ASNS: variants seen among roughly 807,000 people sequenced by gnomAD.
ASNS encodes the protein asparagine synthetase (glutamine-hydrolyzing).
In ASNS, 37 loss-of-function variants were observed where a neutral mutation model predicts 62.6. That is an observed-to-expected ratio of 0.59 (90% CI 0.45 to 0.78). ASNS has a LOEUF of 0.78. Among genes scored for constraint, ASNS ranks in the 30% least tolerant of loss-of-function variants. The pLI is 0.00. For missense variants in ASNS, 520 were observed against 682.4 expected, an observed-to-expected ratio of 0.76 and a Z score of 2.65; for synonymous variants, 207 against 237.9, an observed-to-expected ratio of 0.87 and a Z score of 1.19.
intron 7 of ASNS, among the ~76,000 whole-genome samples, chr7:97,857,247 T>C (rs1298780257): frequency 6.6e-6 from 1 of 152,166 alleles, no homozygotes; most frequent in Non-Finnish European, 1.5e-5. Context: ...CTTGGCTATT[T>C]TGGATTCTCT....
chr7:97,891,761 C>T, the ASNS span, among the ~76,000 whole-genome samples: 1 of 152,182 alleles, frequency 6.6e-6, no homozygotes, highest in African/African-American at 2.4e-5. Flanking sequence ...GAGGTGGGCT[C>T]CCATGGCCTT....
At chr7:97,896,735 C>CATATATATATATATATATATAT in the ASNS span, among the ~76,000 whole-genome samples, 6 of 24,958 alleles carry the variant, frequency 2.4e-4, no homozygotes, top group South Asian at 1.8e-3. Context: ...CACACACACA[C>CATATATATATATATATATATAT]ACACACATAT....
At chr7:97,926,098 G>A in the ASNS span, among the ~76,000 whole-genome samples, 190 of 134,470 alleles carry the variant, frequency 1.4e-3, 5 homozygotes, top group South Asian at 0.015. Context: ...AGCAGGACTT[G>A]GCACTCAGGG....
chr7:97,853,927 A>G (rs2115600099), intron 10 of ASNS, among the ~76,000 whole-genome samples: 1 of 152,270 alleles, frequency 6.6e-6, no homozygotes, highest in Admixed American at 6.5e-5. Context: ...TAATGACCAG[A>G]TTCAGTTCAT....
the ASNS span, chr7:97,927,944 C>A: frequency 2.5e-5 from 16 of 643,122 alleles, no homozygotes; most frequent in Non-Finnish European, 4.3e-5. Context: ...CCCGTGCTGC[C>A]TAAATGTGTT....
At chr7:97,867,428 TC>T in intron 3 of ASNS, among the ~76,000 whole-genome samples, 1 of 152,176 alleles carries the variant, frequency 6.6e-6, no homozygotes, top group Non-Finnish European at 1.5e-5. Flanking sequence ...GGAACAAACT[TC>T]TCTACTTTTA....
intron 4 of ASNS, among the ~76,000 whole-genome samples, chr7:97,861,259 G>A (rs1192804986): frequency 3.3e-5 from 5 of 152,002 alleles, no homozygotes; most frequent in Non-Finnish European, 7.4e-5. Context: ...TGATCCACCC[G>A]CCTCGGCCTC....
chr7:97,923,645 C>T, the ASNS span, among the ~76,000 whole-genome samples: 2 of 152,212 alleles, frequency 1.3e-5, no homozygotes, highest in African/African-American at 4.8e-5. Context: ...CCAGCCCAAA[C>T]CTGCCTTCCT....
At chr7:97,903,055 C>T in the ASNS span, among the ~76,000 whole-genome samples, 1 of 152,068 alleles carries the variant, frequency 6.6e-6, no homozygotes, top group Non-Finnish European at 1.5e-5. Context: ...CACAGGGAAC[C>T]CCCACACATA....
chr7:97,924,050 G>A, the ASNS span, among the ~76,000 whole-genome samples: 4 of 151,970 alleles, frequency 2.6e-5, no homozygotes, highest in East Asian at 1.9e-4. Context: ...CTTTCCAACT[G>A]AGAAACACAT....
intron 1 of ASNS, chr7:97,871,594 T>C (rs532072757): frequency 1.3e-5 from 2 of 152,324 alleles, no homozygotes; most frequent in East Asian, 3.9e-4. Flanking sequence ...AGATGAAAAC[T>C]GTCCTTTTTA....
At chr7:97,919,135 G>GCTCACTGCAACCTCCTC in the ASNS span, among the ~76,000 whole-genome samples, 1 of 151,870 alleles carries the variant, frequency 6.6e-6, no homozygotes, top group Non-Finnish European at 1.5e-5. Context: ...CACAATCTCG[G>GCTCACTGCAACCTCCTC]CTCACTGCAA....
the ASNS span, among the ~76,000 whole-genome samples, chr7:97,917,827 T>G: frequency 1.3e-5 from 2 of 152,212 alleles, no homozygotes; most frequent in Non-Finnish European, 2.9e-5. Flanking sequence ...GCAACAGCCC[T>G]GCCCTACACG....
At chr7:97,865,789 T>A (rs1791933927) in intron 3 of ASNS, among the ~76,000 whole-genome samples, 5 of 152,180 alleles carry the variant, frequency 3.3e-5, no homozygotes, top group Admixed American at 3.3e-4. Context: ...TCTGTGGGGA[T>A]CCTGCCAATG....
At chr7:97,889,992 A>G in the ASNS span, among the ~76,000 whole-genome samples, 2 of 151,504 alleles carry the variant, frequency 1.3e-5, no homozygotes, top group Admixed American at 1.3e-4. Flanking sequence ...GACAAATTCA[A>G]CAGAGATAGA....
At chr7:97,854,786 AT>A (rs1791357198) in intron 9 of ASNS, 106 bp from the exon 10 acceptor site, 1 of 1,559,586 alleles carries the variant, frequency 6.4e-7, no homozygotes, top group African/African-American at 1.4e-5. Context: ...AGTTAAACAA[AT>A]TTAGGGAAGG....
chr7:97,855,424 T>G lies in ASNS; in HGVS notation c.1066A>C (p.Thr356Pro). ...YLISKYIRKN[T>P]DSVVIFSGEG... ...CCAGAGAAGATCACCACGCTATCTG[T>G]GTTCTTCCGAATATACTTGGAAATT... Residue 356 changes from threonine to proline, a missense_variant, in exon 9 of 13, where the codon ACA becomes CCA. Physicochemically the swap from Thr to Pro is conservative, Grantham distance 38. Coordinates refer to ENST00000394308, the MANE Select transcript of ASNS (RefSeq NM_001673.5). 2 of 1,612,298 alleles carry G rather than the reference T, an allele frequency of 1.2e-6. No individual in the cohort carries two copies. The highest frequency in any genetic ancestry group is 1.7e-6 in the Non-Finnish European group (2 of 1,179,606).
intron 7 of ASNS, among the ~76,000 whole-genome samples, chr7:97,857,884 TG>T (rs1484768911): frequency 6.6e-6 from 1 of 152,138 alleles, no homozygotes; most frequent in Non-Finnish European, 1.5e-5. Flanking sequence ...GGCTAGTTTT[TG>T]TATTTTTTTG....
the ASNS span, chr7:97,885,914 TG>T: frequency 1.8e-6 from 1 of 562,390 alleles, no homozygotes. Flanking sequence ...ATGCCAATGA[TG>T]GGCTCTCCTC....
Sources: gnomAD v4.1 joint callset for allele counts (sites outside exome capture counted in the v4.1 genomes callset) on GRCh38, gnomAD v4.1.1 for gene constraint, MANE v1.5 for transcripts, NCBI Gene and HGNC (gene_info 2026-07-23, HGNC 2026-07-21) for gene names.